RPAP3: variants seen among roughly 807,000 people sequenced by gnomAD.
RPAP3 encodes the protein RNA polymerase II associated protein 3.
In RPAP3, 58 loss-of-function variants were observed where a neutral mutation model predicts 88.8. The observed-to-expected ratio is 0.65, with a 90% CI of 0.53 to 0.81. The LOEUF (loss-of-function observed/expected upper bound fraction) is 0.81. RPAP3 is among the 40% of genes least tolerant of loss of function. The pLI is 0.00. For synonymous variants in RPAP3, 255 were observed against 259.9 expected (o/e 0.98, Z 0.18); for missense variants, 751 against 764.3 (o/e 0.98, Z 0.20).
chr12:47,667,515 C>T (rs1331540410), intron 15 of RPAP3, among the ~76,000 whole-genome samples: 1 of 152,070 alleles, frequency 6.6e-6, no homozygotes, highest in Non-Finnish European at 1.5e-5. Context: ...TTGGAAATAG[C>T]ATAGCATCAT....
intron 9 of RPAP3, among the ~76,000 whole-genome samples, chr12:47,686,545 T>TACACATACACACACACACACACACACAC (rs57271770): frequency 6.9e-6 from 1 of 145,350 alleles, no homozygotes; most frequent in Non-Finnish European, 1.5e-5. Context: ...CACATACACA[T>TACACATACACACACACACACACACACAC]ACACACACAC....
chr12:47,678,594 GAACA>G (rs1384673929), intron 12 of RPAP3, among the ~76,000 whole-genome samples: 3 of 152,154 alleles, frequency 2.0e-5, no homozygotes, highest in African/African-American at 7.2e-5. Flanking sequence ...CAAAGGATAT[GAACA>G]GACACTTCTC....
intron 7 of RPAP3, 126 bp downstream of exon 7, chr12:47,688,999 A>G: frequency 1.7e-6 from 1 of 576,546 alleles, no homozygotes; most frequent in Non-Finnish European, 3.0e-6. Flanking sequence ...GTAAAACTCT[A>G]TAGTACAAAG....
Position 47,667,843 on chromosome 12 carries a change from T to C in RPAP3, c.1722A>G (p.Glu574=). The C allele has an allele frequency of 6.3e-7, 1 of 1,589,928 alleles. No homozygotes were observed. Among genetic ancestry groups the C allele is most frequent in the Non-Finnish European group, 8.6e-7 (1 of 1,164,620 alleles). ...GAAACAACTTAGGATACAAAGATGG[T>C]TCAATTTGCTTGAAAAAAAAATAAA... is the stretch of plus-strand genomic sequence containing the variant. ...DMLYQYLKQI[E]PSLYPKLFQK... The change falls in exon 15 of 17, where the codon GAA becomes GAG. Residue 574 remains glutamate, a synonymous_variant. Transcript: ENST00000005386.
chr12:47,664,091 T>C (rs1938814911), intron 16 of RPAP3, among the ~76,000 whole-genome samples: 1 of 152,134 alleles, frequency 6.6e-6, no homozygotes. Context: ...CTACTACATG[T>C]TAAAAATAAG....
At chr12:47,699,633 G>A (rs1184464783) in intron 3 of RPAP3, 1 of 152,166 alleles carries the variant, frequency 6.6e-6, no homozygotes, top group Non-Finnish European at 1.5e-5. Context: ...CTATGACCCA[G>A]CAAATCCCCT....
chr12:47,667,865 TAAA>T lies in RPAP3; in HGVS notation c.1714-17_1714-15del. ...TGGTTCAATTTGCTTGAAAAAAAAA[TAAA>T]AAGACAATTACTTGATGGCAACACT... On this transcript the variant is annotated splice_polypyrimidine_tract_variant and intron_variant, in intron 14 of 16. Transcript: ENST00000005386. 6.7e-7 allele frequency: 1 copy of T among 1,481,756 alleles called. No homozygotes were observed. Among genetic ancestry groups the T allele is most frequent in the Non-Finnish European group, 9.3e-7 (1 of 1,074,010 alleles). The allele number at this position is 1,481,756 out of a possible 1,614,324, so 91.8% of individuals were successfully genotyped here.
chr12:47,672,415 G>A (rs1278834356), intron 12 of RPAP3, among the ~76,000 whole-genome samples: 1 of 152,138 alleles, frequency 6.6e-6, no homozygotes, highest in Non-Finnish European at 1.5e-5. Context: ...ACTAAAATTT[G>A]TTTCACCTGA....
At chr12:47,683,775 C>CTTAG (rs745514288) in intron 9 of RPAP3, among the ~76,000 whole-genome samples, 13 of 152,154 alleles carry the variant, frequency 8.5e-5, no homozygotes, top group Non-Finnish European at 1.6e-4. Context: ...TGCCTAGCTC[C>CTTAG]TTAGCCCTGA....
intron 8 of RPAP3, 130 bp from the exon 9 acceptor site, chr12:47,687,037 G>A: frequency 3.5e-6 from 2 of 573,458 alleles, no homozygotes; most frequent in Non-Finnish European, 5.7e-6. Context: ...TTAAAAATCT[G>A]GCCCATGAGA....
At chr12:47,703,650 A>C (rs1939703808) in intron 1 of RPAP3, among the ~76,000 whole-genome samples, 1 of 152,178 alleles carries the variant, frequency 6.6e-6, no homozygotes, top group Non-Finnish European at 1.5e-5. Flanking sequence ...GCTGGATTTC[A>C]AAGGGGCCCG....
intron 9 of RPAP3, among the ~76,000 whole-genome samples, 200 bp from the exon 10 acceptor site, chr12:47,682,017 C>T (rs887880955): frequency 2.6e-5 from 4 of 152,058 alleles, no homozygotes; most frequent in Non-Finnish European, 5.9e-5. Flanking sequence ...GGAGAAGGTA[C>T]CAGATTGAGG....
chr12:47,674,518 GACTA>G (rs541578925), intron 12 of RPAP3, among the ~76,000 whole-genome samples: 79 of 152,264 alleles, frequency 5.2e-4, no homozygotes, highest in African/African-American at 1.8e-3. Context: ...TTAGACGAAT[GACTA>G]ACTACAATAA....
chr12:47,689,213 TAAA>T lies in RPAP3; in HGVS notation c.668-21_668-19del. 2 of 1,128,112 alleles carry T rather than the reference TAAA, an allele frequency of 1.8e-6. No individual in the cohort carries two copies. The highest frequency in any genetic ancestry group is 2.5e-6 in the Non-Finnish European group (2 of 786,888). The allele number at this position is 1,128,112 out of a possible 1,614,324, so 69.9% of individuals were successfully genotyped here. ...TTCATAATCTAAGTAAAAGAGAAGA[TAAA>T]AAAAATTTTTAAAGATAGGTAATAT... On this transcript the variant is annotated intron_variant, in intron 6 of 16. Transcript: ENST00000005386.
In RPAP3 at chr12:47,668,939, C is replaced by A. The variant is rs11168196; in HGVS notation, c.1690G>T (p.Asp564Tyr). 135 of 1,613,586 alleles carry A rather than the reference C, an allele frequency of 8.4e-5. No individual in the cohort carries two copies. Among genetic ancestry groups the A allele is most frequent in the Non-Finnish European group, 1.1e-4 (131 of 1,179,688 alleles). ...SDFRQLKSSP[D>Y]MLYQYLKQIE... Reference sequence around the variant, plus strand: ...ACCTTTAAATACTGATACAACATATCTGGAGAACTTTTCAATTGTCTGAAA... The same window carrying A: ...ACCTTTAAATACTGATACAACATATATGGAGAACTTTTCAATTGTCTGAAA... The change falls in exon 14 of 17, where the codon GAT (aspartate) becomes TAT (tyrosine). Residue 564 changes from aspartate to tyrosine, a missense_variant. Physicochemically the swap from Asp to Tyr is radical, Grantham distance 160 (BLOSUM62 -3). Coordinates refer to ENST00000005386, the MANE Select transcript of RPAP3 (RefSeq NM_024604.3).
At chr12:47,667,185 A>AT (rs1158929361) in intron 15 of RPAP3, 105 bp from the exon 16 acceptor site, 1 of 434,340 alleles carries the variant, frequency 2.3e-6, no homozygotes, top group Non-Finnish European at 3.9e-6. Context: ...AAATGACATC[A>AT]TTTTTTCCCC....
At chr12:47,682,910 T>C (rs923985937) in intron 9 of RPAP3, among the ~76,000 whole-genome samples, 1 of 152,204 alleles carries the variant, frequency 6.6e-6, no homozygotes, top group Non-Finnish European at 1.5e-5. Context: ...GATACCTGCA[T>C]GGCCCCCATA....
chr12:47,665,255 C>A (rs1938846383), intron 16 of RPAP3, among the ~76,000 whole-genome samples: 2 of 151,700 alleles, frequency 1.3e-5, no homozygotes, highest in African/African-American at 4.8e-5. Flanking sequence ...TGCCACCACG[C>A]CCAGCTAATT....
At chr12:47,681,976 TC>T (rs1481082192) in intron 9 of RPAP3, among the ~76,000 whole-genome samples, 159 bp from the exon 10 acceptor site, 1 of 152,210 alleles carries the variant, frequency 6.6e-6, no homozygotes, top group Non-Finnish European at 1.5e-5. Context: ...TTTTTTATTC[TC>T]ACCAAATCCT....
Sources: gnomAD v4.1 joint callset for allele counts (sites outside exome capture counted in the v4.1 genomes callset) on GRCh38, gnomAD v4.1.1 for gene constraint, MANE v1.5 for transcripts, NCBI Gene and HGNC (gene_info 2026-07-23, HGNC 2026-07-21) for gene names.